DPCD: variants seen among roughly 807,000 people sequenced by gnomAD.
DPCD encodes protein DPCD.
Under a neutral mutation model 26.4 loss-of-function variants are expected in DPCD, and 20 were observed. The ratio of observed to expected loss-of-function variants is 0.76; its 90% CI spans 0.53 to 1.10. The LOEUF is 1.10. DPCD is among the 50% of genes least tolerant of loss of function. The pLI is 0.00. For synonymous variants in DPCD, 97 were observed against 94.2 expected, an observed-to-expected ratio of 1.03 and a Z score of -0.17; for missense variants, 202 against 253.9, an observed-to-expected ratio of 0.80 and a Z score of 1.39.
intron 2 of DPCD, among the ~76,000 whole-genome samples, chr10:101,598,014 AGGT>A (rs1030690679): frequency 1.1e-4 from 17 of 152,242 alleles, no homozygotes; most frequent in Non-Finnish European, 2.5e-4. Flanking sequence ...AAGCAGCCAG[AGGT>A]GTCAAGTTCC....
Position 101,600,398 on chromosome 10 carries a change from T to C in DPCD, c.146-340T>C, listed in dbSNP as rs1308892605. ...TTCTCCATTACCAGAAACAACCCTTTTCCTAATCTTCACATCTTCTCCTTG... is the reference window on the plus strand; with the variant it reads ...TTCTCCATTACCAGAAACAACCCTTCTCCTAATCTTCACATCTTCTCCTTG... On this transcript the variant is annotated intron_variant, in intron 2 of 5. Transcript: ENST00000370151. This position sits in a 1 kb window ranked among gnomAD's most constrained non-coding sequence, Gnocchi z 4.7. Among the ~76,000 whole-genome samples the C allele has an allele frequency of 2.0e-5, 3 of 152,174 alleles. No homozygotes were observed. The highest frequency in any genetic ancestry group is 2.9e-5 in the Non-Finnish European group (2 of 68,024).
chr10:101,604,481 T>C (rs2063720368), intron 4 of DPCD, among the ~76,000 whole-genome samples: 1 of 152,148 alleles, frequency 6.6e-6, no homozygotes, highest in South Asian at 2.1e-4. Context: ...AAGAGCTGGG[T>C]TGGTGACTTT....
chr10:101,609,130 C>A, intron 5 of DPCD, 193 bp downstream of exon 5: 1 of 648,536 alleles, frequency 1.5e-6, no homozygotes, highest in Middle Eastern at 2.5e-4. Flanking sequence ...CCATATAATT[C>A]ACAGCTAGAA....
chr10:101,588,588 C>T, intron 1 of DPCD, 188 bp downstream of exon 1: 7 of 1,425,302 alleles, frequency 4.9e-6, no homozygotes, highest in Non-Finnish European at 6.4e-6. Context: ...TGTCTCCGGA[C>T]ACCCCTTAGA....
At chr10:101,594,919 G>A (rs957192476) in intron 2 of DPCD, among the ~76,000 whole-genome samples, 181 bp downstream of exon 2, 2 of 152,098 alleles carry the variant, frequency 1.3e-5, no homozygotes, top group African/African-American at 4.8e-5. Context: ...AGTGGAATGC[G>A]AGTCCTTTTG....
chr10:101,601,046 G>A (rs1016730104), intron 3 of DPCD, among the ~76,000 whole-genome samples, 157 bp from the exon 4 acceptor site: 9 of 152,102 alleles, frequency 5.9e-5, no homozygotes, highest in South Asian at 2.1e-4. Context: ...GTCCCAGGGC[G>A]GGGGCTCAGG....
At position 101,603,142 on chromosome 10, in the gene DPCD, C is replaced by T. The variant is rs2063709631; in HGVS notation, c.404+1806C>T. On this transcript the variant is annotated intron_variant, in intron 4 of 5. Transcript: ENST00000370151. This position sits in a 1 kb window ranked among gnomAD's most constrained non-coding sequence, Gnocchi z 4.6. ...AGAGGACAGAGGAGTGTTTCAGGGC[C>T]CACTTTGGAACCCACACTGAGCCTC... Among the ~76,000 whole-genome samples the T allele has an allele frequency of 6.6e-6, 1 of 152,174 alleles. No individual in the cohort carries two copies. Among genetic ancestry groups the T allele is most frequent in the Non-Finnish European group, 1.5e-5 (1 of 68,042 alleles).
In DPCD at chr10:101,600,867, G is replaced by A. The variant is rs752829504; in HGVS notation, c.270+5G>A. 9 of 1,613,844 alleles carry A rather than the reference G, an allele frequency of 5.6e-6. No individual in the cohort carries two copies. Among genetic ancestry groups the A allele is most frequent in the East Asian group, 2.2e-5 (1 of 44,874 alleles). On this transcript the variant is annotated splice_donor_5th_base_variant and intron_variant, in intron 3 of 5. Transcript: ENST00000370151. The surrounding 1 kb of genome is among the most constrained non-coding windows in gnomAD (Gnocchi z 4.7). ...ATCAAGGAAAGCAATGCCAATGTAC[G>A]TCCATCTGTCCAGGTGTCTTGCACG...
At chr10:101,598,757 T>C (rs2063672128) in intron 2 of DPCD, among the ~76,000 whole-genome samples, 1 of 151,860 alleles carries the variant, frequency 6.6e-6, no homozygotes, top group South Asian at 2.1e-4. Flanking sequence ...CCCCAGTAGC[T>C]GGGACTACAG....
intron 4 of DPCD, 106 bp from the exon 5 acceptor site, chr10:101,608,729 T>A: frequency 4.1e-6 from 3 of 726,224 alleles, no homozygotes; most frequent in Non-Finnish European, 7.4e-6. Flanking sequence ...TCTGCGTGTG[T>A]GGAAGGTGTG....
At position 101,600,993 on chromosome 10, in the gene DPCD, T is replaced by A; in HGVS notation, c.270+131T>A. ...AGTGTGCCACCTGGACACAGCACTCTATAAATGTTTGTTTGAATGAATACA... is the reference window on the plus strand; with the variant it reads ...AGTGTGCCACCTGGACACAGCACTCAATAAATGTTTGTTTGAATGAATACA... On this transcript the variant is annotated intron_variant, in intron 3 of 5. Transcript: ENST00000370151. This position sits in a 1 kb window ranked among gnomAD's most constrained non-coding sequence, Gnocchi z 4.7. 1 of 1,497,620 alleles carries A rather than the reference T, an allele frequency of 6.7e-7. No homozygotes were observed. Among genetic ancestry groups the A allele is most frequent in the East Asian group, 2.4e-5 (1 of 42,206 alleles). 92.8% of individuals were successfully genotyped at this position (1,497,620 alleles called of 1,614,324 possible).
intron 5 of DPCD, 104 bp downstream of exon 5, chr10:101,609,041 T>G: frequency 1.0e-6 from 1 of 988,590 alleles, no homozygotes; most frequent in South Asian, 1.4e-5. Context: ...CCCCAAGCCC[T>G]AGGGTATGCT....
intron 4 of DPCD, among the ~76,000 whole-genome samples, chr10:101,607,666 A>G (rs1024917994): frequency 2.6e-5 from 4 of 152,168 alleles, no homozygotes; most frequent in African/African-American, 9.7e-5. Context: ...AGCTGTCACC[A>G]CAAGGACCAG....
chr10:101,591,533 C>T (rs1244316085), intron 1 of DPCD, among the ~76,000 whole-genome samples: 2 of 152,094 alleles, frequency 1.3e-5, no homozygotes, highest in South Asian at 2.1e-4. Context: ...GGGGAGGTTA[C>T]TCCCTTCCAC....
intron 1 of DPCD, among the ~76,000 whole-genome samples, chr10:101,591,194 A>G (rs1322352326): frequency 6.6e-6 from 1 of 152,196 alleles, no homozygotes; most frequent in Admixed American, 6.5e-5. Flanking sequence ...GTATGTCTAC[A>G]CTGCATTCTG....
chr10:101,591,865 TA>T (rs1410792154), intron 1 of DPCD, among the ~76,000 whole-genome samples: 2 of 152,034 alleles, frequency 1.3e-5, no homozygotes, highest in Non-Finnish European at 2.9e-5. Flanking sequence ...TTTTAATTTT[TA>T]GTAGAGACAG....
chr10:101,589,290 T>C (rs2063555283), intron 1 of DPCD, among the ~76,000 whole-genome samples: 1 of 152,246 alleles, frequency 6.6e-6, no homozygotes, highest in Non-Finnish European at 1.5e-5. Context: ...AGATATGTTG[T>C]CCCAGGACTC....
intron 1 of DPCD, among the ~76,000 whole-genome samples, chr10:101,591,831 G>A (rs117416511): frequency 0.079 from 11,940 of 151,822 alleles, 525 homozygotes; most frequent in African/African-American, 0.12. Flanking sequence ...ATAGGCGCCC[G>A]CCACCAAGCC....
At chr10:101,605,706 G>A (rs1411013305) in intron 4 of DPCD, among the ~76,000 whole-genome samples, 1 of 152,216 alleles carries the variant, frequency 6.6e-6, no homozygotes, top group African/African-American at 2.4e-5. Context: ...CCTGTTCATT[G>A]TTGAACATCC....
Sources: gnomAD v4.1 joint callset for allele counts (sites outside exome capture counted in the v4.1 genomes callset) on GRCh38, gnomAD v4.1.1 for gene constraint, Gnocchi (gnomAD v3.1) non-coding constraint, MANE v1.5 for transcripts, NCBI Gene and HGNC (gene_info 2026-07-23, HGNC 2026-07-21) for gene names.